Variants in ADAMTSL1 observed in about 807,000 individuals in gnomAD.
The protein encoded by ADAMTSL1 is ADAMTS-like protein 1.
A neutral mutation model predicts 201.8 loss-of-function variants in ADAMTSL1; 126 were observed. That is an observed-to-expected ratio of 0.62 (90% CI 0.54 to 0.72). The LOEUF is 0.72. Ranked by LOEUF, ADAMTSL1 falls within the 30% of genes least tolerant of loss-of-function variation. The pLI is 0.00. For synonymous variants in ADAMTSL1, 1,121 were observed against 903.4 expected (o/e 1.24, Z -4.32); for missense variants, 2,679 against 2,277.8 (o/e 1.18, Z -3.59).
At chr9:18,348,652 C>G (rs1835829720) in intron 2 of ADAMTSL1, among the ~76,000 whole-genome samples, 1 of 152,146 alleles carries the variant, frequency 6.6e-6, no homozygotes, top group Non-Finnish European at 1.5e-5. Context: ...TTCCTTTTTA[C>G]ACATGAAGTA....
intron 2 of ADAMTSL1, among the ~76,000 whole-genome samples, chr9:18,399,950 A>C (rs1817921419): frequency 6.6e-6 from 1 of 152,152 alleles, no homozygotes; most frequent in Non-Finnish European, 1.5e-5. Flanking sequence ...TAACAACAAC[A>C]ACAACAAAAC....
chr9:18,654,445 T>A (rs1828495654), intron 7 of ADAMTSL1, among the ~76,000 whole-genome samples: 1 of 152,230 alleles, frequency 6.6e-6, no homozygotes, highest in African/African-American at 2.4e-5. Context: ...GTGTGTTCAT[T>A]CATGCATTCG....
chr9:18,725,192 C>T (rs1817799343), intron 15 of ADAMTSL1, among the ~76,000 whole-genome samples: 1 of 152,142 alleles, frequency 6.6e-6, no homozygotes, highest in Non-Finnish European at 1.5e-5. Context: ...AGGCGTGAGC[C>T]AACGTGCCCG....
chr9:18,730,866 G>A (rs1588003039), intron 15 of ADAMTSL1, among the ~76,000 whole-genome samples: 1 of 152,192 alleles, frequency 6.6e-6, no homozygotes, highest in East Asian at 1.9e-4. Context: ...TGAGTGGATA[G>A]ACACAGACAC....
intron 19 of ADAMTSL1, among the ~76,000 whole-genome samples, chr9:18,783,488 C>A (rs1446762363): frequency 6.6e-6 from 1 of 152,184 alleles, no homozygotes; most frequent in African/African-American, 2.4e-5. Flanking sequence ...TTTGAAGAAG[C>A]ACAGGTTTGC....
intron 2 of ADAMTSL1, among the ~76,000 whole-genome samples, chr9:18,173,578 G>T (rs1481201166): frequency 6.6e-6 from 1 of 151,976 alleles, no homozygotes; most frequent in Admixed American, 6.6e-5. Context: ...GAGATGTCCT[G>T]CATTTGCTAG....
chr9:18,275,565 A>G (rs1832554413), intron 2 of ADAMTSL1, among the ~76,000 whole-genome samples: 1 of 152,122 alleles, frequency 6.6e-6, no homozygotes, highest in African/African-American at 2.4e-5. Flanking sequence ...TTTTTTTGCC[A>G]CTACAGATCT....
chr9:18,546,311 C>A (rs1766789484), intron 3 of ADAMTSL1, among the ~76,000 whole-genome samples: 1 of 151,962 alleles, frequency 6.6e-6, no homozygotes, highest in Non-Finnish European at 1.5e-5. Flanking sequence ...TTATTATTTT[C>A]ATTATTATTG....
chr9:18,159,011 C>G (rs1827273032), intron 1 of ADAMTSL1, among the ~76,000 whole-genome samples: 1 of 152,050 alleles, frequency 6.6e-6, no homozygotes, highest in Non-Finnish European at 1.5e-5. Flanking sequence ...ATCCATTAAA[C>G]ATTTGCATGT....
chr9:18,504,178 T>A (rs1186732650), intron 1 of ADAMTSL1, among the ~76,000 whole-genome samples: 1 of 152,160 alleles, frequency 6.6e-6, no homozygotes, highest in Non-Finnish European at 1.5e-5. Flanking sequence ...ATTTTATCTT[T>A]TTCTTGAATG....
At chr9:18,007,510 T>A (rs1463013271) in intron 1 of ADAMTSL1, among the ~76,000 whole-genome samples, 1 of 152,004 alleles carries the variant, frequency 6.6e-6, no homozygotes, top group East Asian at 1.9e-4. Context: ...AAGAAACACT[T>A]TCCTCATCCA....
intron 23 of ADAMTSL1, among the ~76,000 whole-genome samples, chr9:18,845,391 G>A (rs1826040214): frequency 6.6e-6 from 1 of 152,254 alleles, no homozygotes; most frequent in South Asian, 2.1e-4. Context: ...TTCCATGAAA[G>A]AATTCATTGT....
intron 2 of ADAMTSL1, among the ~76,000 whole-genome samples, chr9:18,233,255 C>T (rs1830712480): frequency 6.6e-6 from 1 of 152,034 alleles, no homozygotes. Flanking sequence ...AAATTTTGTT[C>T]CTGGCATTAG....
At chr9:18,678,066 T>C (rs1387489431) in intron 10 of ADAMTSL1, among the ~76,000 whole-genome samples, 1 of 152,082 alleles carries the variant, frequency 6.6e-6, no homozygotes, top group Non-Finnish European at 1.5e-5. Flanking sequence ...TCTTTCCTGC[T>C]TTCAGTCCTT....
intron 1 of ADAMTSL1, among the ~76,000 whole-genome samples, chr9:18,024,515 T>C (rs143183163): frequency 1.1e-4 from 16 of 152,274 alleles, no homozygotes; most frequent in African/African-American, 3.6e-4. Context: ...GAACATGTGG[T>C]GTTTATTTTT....
rs560739217 is a variant in ADAMTSL1, at chr9:18,194,817, A to G, written c.207+30836A>G. Among the ~76,000 whole-genome samples the G allele has an allele frequency of 7.2e-5, 11 of 152,106 alleles. No homozygotes were observed. The South Asian group carries it at 2.3e-3, about 32-fold the overall frequency. Reference sequence around the variant, plus strand: ...CTGCCTAGACTTTCTGTACACCCACATTCTCCAAGTTGTCCCGCCTTTATT... The same window carrying G: ...CTGCCTAGACTTTCTGTACACCCACGTTCTCCAAGTTGTCCCGCCTTTATT... On this transcript the variant is annotated intron_variant, in intron 2 of 29. Transcript: ENST00000680146.
Position 18,233,600 on chromosome 9 carries a change from C to T in ADAMTSL1, c.207+69619C>T, listed in dbSNP as rs139321221. Among the ~76,000 whole-genome samples the T allele has an allele frequency of 4.6e-3, 693 of 151,760 alleles. 4 individuals are homozygous for T. The highest frequency in any genetic ancestry group is 0.015 in the African/African-American group (629 of 41,262). On this transcript the variant is annotated intron_variant, in intron 2 of 29. Coordinates refer to the ADAMTSL1 transcript ENST00000680146. ...TCCCACCTAGGAGCCTGTAAAATTG[C>T]GAGGTGAGACAGACAGCAGACAAAG...
chr9:18,859,536 G>C (rs1330849205), intron 23 of ADAMTSL1, among the ~76,000 whole-genome samples: 2 of 152,158 alleles, frequency 1.3e-5, no homozygotes, highest in Admixed American at 6.5e-5. Context: ...CAGTTATTCT[G>C]CCTATCAGAA....
chr9:18,310,202 A>C (rs1185797640), intron 2 of ADAMTSL1, among the ~76,000 whole-genome samples: 2 of 151,926 alleles, frequency 1.3e-5, no homozygotes, highest in African/African-American at 4.8e-5. Context: ...TGGTATAAAC[A>C]CTTAAACATA....
Sources: allele counts gnomAD v4.1 joint callset (sites outside exome capture counted in the v4.1 genomes callset), GRCh38; gene constraint gnomAD v4.1.1; transcripts MANE v1.5; gene names NCBI Gene and HGNC (gene_info 2026-07-23, HGNC 2026-07-21).